PEBP4: variants seen among roughly 807,000 people sequenced by gnomAD.
PEBP4 encodes the protein phosphatidylethanolamine-binding protein 4.
Under a neutral mutation model 23.9 loss-of-function variants are expected in PEBP4, and 22 were observed. That is an observed-to-expected ratio of 0.92 (90% CI 0.66 to 1.31). The LOEUF is 1.31. Ranked by LOEUF, PEBP4 falls within the 40% of genes most tolerant of loss-of-function variation. The probability of loss-of-function intolerance (pLI) is 0.00; values close to 1 mark genes in which losing one functional copy is unlikely to be tolerated. For synonymous variants in PEBP4, 112 were observed against 99.3 expected, an observed-to-expected ratio of 1.13 and a Z score of -0.76; for missense variants, 324 against 281.7, an observed-to-expected ratio of 1.15 and a Z score of -1.07.
chr8:22,818,704 G>C (rs1806796990), intron 3 of PEBP4, among the ~76,000 whole-genome samples: 1 of 152,192 alleles, frequency 6.6e-6, no homozygotes, highest in African/African-American at 2.4e-5. Context: ...ATCTCCAAAG[G>C]CCAGAGAGGA....
At chr8:22,741,772 C>A (rs989371220) in intron 4 of PEBP4, among the ~76,000 whole-genome samples, 1 of 152,142 alleles carries the variant, frequency 6.6e-6, no homozygotes, top group South Asian at 2.1e-4. Context: ...GGCAGGAGAG[C>A]GGGGTTGGGG....
Position 22,922,606 on chromosome 8 carries a change from GTGCC to G in PEBP4, c.132-2300_132-2297del, listed in dbSNP as rs1178103757. On this transcript the variant is annotated intron_variant, in intron 2 of 6. Transcript: ENST00000256404. ...CAAACAAAAAAAAAACACCATGGTA[GTGCC>G]TGCCTGTGTTCCCAGCTACTTGGGA... 1.4e-4 allele frequency among the ~76,000 whole-genome samples: 21 copies of G among 150,752 alleles called. 1 individual carries two copies. The East Asian group carries it at 3.8e-3, about 27-fold the overall frequency.
chr8:22,912,500 G>T (rs1343531519), intron 3 of PEBP4, among the ~76,000 whole-genome samples: 1 of 152,204 alleles, frequency 6.6e-6, no homozygotes, highest in African/African-American at 2.4e-5. Flanking sequence ...TAGGTGAAAG[G>T]TAGTTGACTG....
At chr8:22,869,099 G>A (rs1055817050) in intron 3 of PEBP4, among the ~76,000 whole-genome samples, 5 of 152,144 alleles carry the variant, frequency 3.3e-5, no homozygotes, top group African/African-American at 1.2e-4. Flanking sequence ...CTGCCTCATG[G>A]CCTTTGTACT....
At chr8:22,798,656 T>G (rs1407975295) in intron 4 of PEBP4, 1 of 152,312 alleles carries the variant, frequency 6.6e-6, no homozygotes, top group Non-Finnish European at 1.5e-5. Flanking sequence ...GTAATAAACT[T>G]TCTTCAATGG....
At chr8:22,897,323 C>G (rs1354304703) in intron 3 of PEBP4, among the ~76,000 whole-genome samples, 1 of 151,998 alleles carries the variant, frequency 6.6e-6, no homozygotes, top group Non-Finnish European at 1.5e-5. Flanking sequence ...TTCAGAAGCA[C>G]AGATATGGAT....
At chr8:22,927,744 C>A (rs546399691) in intron 1 of PEBP4, 24 bp from the exon 2 acceptor site, 5 of 1,612,220 alleles carry the variant, frequency 3.1e-6, no homozygotes, top group Admixed American at 1.7e-5. Context: ...AACTTTAGAG[C>A]GGCTGGATCC....
chr8:22,720,357 G>A (rs1305174509), intron 6 of PEBP4, among the ~76,000 whole-genome samples: 1 of 152,182 alleles, frequency 6.6e-6, no homozygotes, highest in Non-Finnish European at 1.5e-5. Flanking sequence ...AGCCGGGACT[G>A]GTGCTTGGAA....
intron 2 of PEBP4, among the ~76,000 whole-genome samples, chr8:22,923,491 T>C (rs1809255266): frequency 6.6e-6 from 1 of 151,960 alleles, no homozygotes. Flanking sequence ...CGCTTGAGTC[T>C]GGGAGGTCAA....
chr8:22,740,965 C>T (rs925199687), intron 4 of PEBP4, among the ~76,000 whole-genome samples: 1 of 152,180 alleles, frequency 6.6e-6, no homozygotes, highest in Non-Finnish European at 1.5e-5. Context: ...ATGCTCCCCC[C>T]ACCTACCCTA....
At chr8:22,780,431 G>A (rs554157006) in intron 4 of PEBP4, among the ~76,000 whole-genome samples, 39 of 152,224 alleles carry the variant, frequency 2.6e-4, no homozygotes, top group South Asian at 2.1e-3. Context: ...GACCCTACTA[G>A]GTCCTCTCCC....
intron 4 of PEBP4, among the ~76,000 whole-genome samples, chr8:22,779,880 G>A (rs1805882490): frequency 6.6e-6 from 1 of 152,182 alleles, no homozygotes; most frequent in Admixed American, 6.5e-5. Flanking sequence ...GCTTTGGAGG[G>A]GACAACTGCT....
chr8:22,728,559 T>TCTTTCTTTCTTTCTTCCTTCCTTC (rs1462225042), intron 4 of PEBP4, among the ~76,000 whole-genome samples: 2 of 96,364 alleles, frequency 2.1e-5, no homozygotes, highest in African/African-American at 9.2e-5. Flanking sequence ...TTTCTTTCTT[T>TCTTTCTTTCTTTCTTCCTTCCTTC]CTTCCTTCCT....
At chr8:22,799,650 C>T (rs1395329283) in intron 4 of PEBP4, among the ~76,000 whole-genome samples, 1 of 152,200 alleles carries the variant, frequency 6.6e-6, no homozygotes, top group Non-Finnish European at 1.5e-5. Flanking sequence ...GTGTGCTGCA[C>T]CCATTAACTC....
chr8:22,808,788 C>G (rs763780666), intron 4 of PEBP4, among the ~76,000 whole-genome samples: 2 of 152,248 alleles, frequency 1.3e-5, no homozygotes, highest in Non-Finnish European at 2.9e-5. Flanking sequence ...GTCTTTCCAA[C>G]TGGGCAGCAG....
chr8:22,924,737 C>T (rs961000212), intron 2 of PEBP4: 1 of 985,230 alleles, frequency 1.0e-6, no homozygotes, highest in African/African-American at 1.7e-5. Context: ...AGTGGATTCA[C>T]CTCCTGGCTG....
chr8:22,782,758 A>T (rs1173475727), intron 4 of PEBP4, among the ~76,000 whole-genome samples: 1 of 152,216 alleles, frequency 6.6e-6, no homozygotes, highest in Non-Finnish European at 1.5e-5. Flanking sequence ...CAGGAGGTTA[A>T]GGACCGTTTT....
intron 3 of PEBP4, among the ~76,000 whole-genome samples, chr8:22,907,977 C>T (rs755864422): frequency 6.6e-6 from 1 of 151,202 alleles, no homozygotes; most frequent in Non-Finnish European, 1.5e-5. Context: ...TGTGCTACTG[C>T]ACTCCTGCAT....
At chr8:22,811,468 G>A (rs547835088) in intron 4 of PEBP4, among the ~76,000 whole-genome samples, 4 of 152,316 alleles carry the variant, frequency 2.6e-5, no homozygotes, top group African/African-American at 9.6e-5. Context: ...TCTCTAGGGC[G>A]GGACAATGAC....
Sources: gnomAD v4.1 joint callset for allele counts (sites outside exome capture counted in the v4.1 genomes callset) on GRCh38, gnomAD v4.1.1 for gene constraint, MANE v1.5 for transcripts, NCBI Gene and HGNC (gene_info 2026-07-23, HGNC 2026-07-21) for gene names.